USP10: variants seen among roughly 807,000 people sequenced by gnomAD.
The protein encoded by USP10 is ubiquitin carboxyl-terminal hydrolase 10.
USP10 carries 22 observed loss-of-function variants against 84.5 expected under a neutral mutation model. The ratio of observed to expected loss-of-function variants is 0.26; its 90% confidence interval spans 0.19 to 0.37. The LOEUF (loss-of-function observed/expected upper bound fraction) is 0.37, where lower values mean the gene tolerates loss of function less well. Ranked by LOEUF, USP10 falls within the 10% of genes least tolerant of loss-of-function variation. USP10 has a pLI of 1.00. For synonymous variants in USP10, 454 were observed against 387.6 expected (o/e 1.17, Z -2.01); for missense variants, 1,019 against 998.9 (o/e 1.02, Z -0.27).
chr16:84,767,339 A>G (rs909244343), intron 10 of USP10, among the ~76,000 whole-genome samples: 39 of 149,504 alleles, frequency 2.6e-4, no homozygotes, highest in African/African-American at 9.5e-4. Flanking sequence ...TAGAAAAAGG[A>G]AAAAAAAAAT....
At chr16:84,773,418 C>T (rs1405507731) in intron 12 of USP10, among the ~76,000 whole-genome samples, 4 of 152,256 alleles carry the variant, frequency 2.6e-5, no homozygotes, top group South Asian at 2.1e-4. Flanking sequence ...CTCTTCTCTC[C>T]GTCCCCTGGC....
chr16:84,704,679 G>C (rs544392799), intron 1 of USP10: 3 of 1,459,318 alleles, frequency 2.1e-6, no homozygotes, highest in Non-Finnish European at 2.7e-6. Context: ...CATAAACCTC[G>C]ATGTAGAATC....
chr16:84,721,963 G>A, intron 1 of USP10, among the ~76,000 whole-genome samples: 1 of 152,210 alleles, frequency 6.6e-6, no homozygotes, highest in South Asian at 2.1e-4. Flanking sequence ...CCAAAGTGCT[G>A]GAATTACAGG....
rs571088820 is a variant in USP10, at chr16:84,760,211, C to G, written c.1490C>G (p.Ala497Gly). Residue 497 changes from alanine (A) to glycine (G), a missense_variant, in exon 8 of 14, where the codon GCT (alanine) becomes GGT (glycine). Ala to Gly is a moderately conservative substitution (Grantham distance 60). Coordinates refer to ENST00000219473, the MANE Select transcript of USP10 (RefSeq NM_005153.3). Reference protein sequence around the residue: ...DKIVRDIRPGAAFEPTYIYRL... With the variant: ...DKIVRDIRPGGAFEPTYIYRL... ...ATCGTGAGGGATATTCGCCCTGGAGCTGCCTTTGAGCCCACATATATTTAC... is the reference window on the plus strand; with the variant it reads ...ATCGTGAGGGATATTCGCCCTGGAGGTGCCTTTGAGCCCACATATATTTAC... 1.5e-5 allele frequency: 24 copies of G among 1,610,908 alleles called. No homozygotes were observed. The highest frequency in any genetic ancestry group is 1.9e-5 in the Non-Finnish European group (22 of 1,178,538).
intron 1 of USP10, among the ~76,000 whole-genome samples, chr16:84,721,682 C>A (rs1301380484): frequency 6.6e-6 from 1 of 151,888 alleles, no homozygotes; most frequent in Non-Finnish European, 1.5e-5. Context: ...GCATGTGCCA[C>A]CAAGTCTGGC....
At chr16:84,711,645 TTCTAAGTTAGG>T (rs1199691079) in intron 1 of USP10, among the ~76,000 whole-genome samples, 1 of 152,244 alleles carries the variant, frequency 6.6e-6, no homozygotes, top group Admixed American at 6.5e-5. Context: ...CAACAATGTA[TTCTAAGTTAGG>T]TGCCAGCAGC....
At chr16:84,704,430 A>G (rs182039902) in intron 1 of USP10, among the ~76,000 whole-genome samples, 2 of 152,378 alleles carry the variant, frequency 1.3e-5, no homozygotes, top group Non-Finnish European at 2.9e-5. Flanking sequence ...GCCTTGGGCC[A>G]TTGGATTACT....
intron 9 of USP10, 81 bp from the exon 10 acceptor site, chr16:84,764,005 T>C: frequency 6.8e-7 from 1 of 1,463,486 alleles, no homozygotes; most frequent in Non-Finnish European, 9.1e-7. Flanking sequence ...TTTTTAAAAC[T>C]GCAATCGACA....
chr16:84,743,579 T>C (rs954560970), intron 3 of USP10, among the ~76,000 whole-genome samples: 2 of 152,228 alleles, frequency 1.3e-5, no homozygotes, highest in African/African-American at 4.8e-5. Context: ...CCCTTAATGC[T>C]AGCCTGGAAG....
chr16:84,737,898 C>T (rs74029989), intron 2 of USP10, among the ~76,000 whole-genome samples: 4,767 of 152,292 alleles, frequency 0.031, 226 homozygotes, highest in African/African-American at 0.11. Flanking sequence ...CCTCAGTCAG[C>T]GCCACCTGGC....
chr16:84,751,706 C>G (rs1270073282), intron 4 of USP10, among the ~76,000 whole-genome samples: 1 of 152,152 alleles, frequency 6.6e-6, no homozygotes, highest in Non-Finnish European at 1.5e-5. Context: ...AAAAGAAAAG[C>G]ACTTGGAGAA....
At chr16:84,769,398 T>G (rs907227185) in intron 11 of USP10, among the ~76,000 whole-genome samples, 1 of 152,220 alleles carries the variant, frequency 6.6e-6, no homozygotes, top group African/African-American at 2.4e-5. Context: ...CTACCGTATT[T>G]GCAGACTTGC....
rs370416210 is a variant in USP10, at chr16:84,760,230, T to C, written c.1509T>C (p.Tyr503=). 46 of 1,611,254 alleles carry C rather than the reference T, an allele frequency of 2.9e-5. No individual in the cohort carries two copies. Among genetic ancestry groups the C allele is most frequent in the South Asian group, 1.9e-4 (17 of 90,304 alleles). The change falls in exon 8 of 14, where the codon TAT becomes TAC. Residue 503 remains tyrosine, a synonymous_variant. Coordinates refer to ENST00000219473, the MANE Select transcript of USP10 (RefSeq NM_005153.3). The part of the protein sequence containing the change: ...IRPGAAFEPT[Y]IYRLLTVNKS... ...CTGGAGCTGCCTTTGAGCCCACATA[T>C]ATTTACAGACTCCTGACAGTTAACA...
intron 1 of USP10, chr16:84,732,447 T>C (rs55689438): frequency 0.069 from 27,369 of 398,102 alleles, 679 homozygotes; most frequent in Non-Finnish European, 0.099. Context: ...TCTTCTTCTT[T>C]TTTTTTTTTT....
chr16:84,721,052 C>A (rs7195111), intron 1 of USP10, among the ~76,000 whole-genome samples: 11,872 of 151,914 alleles, frequency 0.078, 624 homozygotes, highest in African/African-American at 0.16. Context: ...CGCCACCATG[C>A]CTGACTAATT....
At chr16:84,754,529 T>C (rs1270059008) in intron 4 of USP10, among the ~76,000 whole-genome samples, 1 of 152,196 alleles carries the variant, frequency 6.6e-6, no homozygotes, top group African/African-American at 2.4e-5. Context: ...CGTTCGCTTT[T>C]GTAGGTTCCT....
chr16:84,724,543 C>T (rs181209668), intron 1 of USP10, among the ~76,000 whole-genome samples: 38 of 152,260 alleles, frequency 2.5e-4, no homozygotes, highest in Admixed American at 2.0e-3. Context: ...CTACTTTGTT[C>T]GCTTCTCAGG....
chr16:84,718,100 C>T (rs1274292200), intron 1 of USP10, among the ~76,000 whole-genome samples: 3 of 152,010 alleles, frequency 2.0e-5, no homozygotes, highest in African/African-American at 4.8e-5. Flanking sequence ...GACTACATTG[C>T]GAAGGGAAAA....
At chr16:84,703,370 A>G (rs557477188) in intron 1 of USP10, among the ~76,000 whole-genome samples, 2 of 152,218 alleles carry the variant, frequency 1.3e-5, no homozygotes, top group African/African-American at 2.4e-5. Flanking sequence ...TTTGAATGTC[A>G]TGCAGTTGGC....
Sources: allele counts gnomAD v4.1 joint callset (sites outside exome capture counted in the v4.1 genomes callset), GRCh38; gene constraint gnomAD v4.1.1; transcripts MANE v1.5; gene names NCBI Gene and HGNC (gene_info 2026-07-23, HGNC 2026-07-21).